Variants in TTLL5 observed in about 807,000 individuals in gnomAD.
The protein encoded by TTLL5 is tubulin polyglutamylase TTLL5.
In TTLL5, 132 loss-of-function variants were observed where a neutral mutation model predicts 168.4. The observed-to-expected ratio is 0.78, with a 90% CI of 0.68 to 0.91. TTLL5 has a LOEUF of 0.91. Ranked by LOEUF, TTLL5 falls within the 40% of genes least tolerant of loss-of-function variation. The probability of loss-of-function intolerance (pLI) is 0.00; values close to 1 mark genes in which losing one functional copy is unlikely to be tolerated. For synonymous variants in TTLL5, 546 were observed against 558.6 expected (o/e 0.98, Z 0.32); for missense variants, 1,545 against 1,581.5 (o/e 0.98, Z 0.39).
intron 18 of TTLL5, among the ~76,000 whole-genome samples, chr14:75,762,982 A>G (rs1890744496): frequency 6.6e-6 from 1 of 152,174 alleles, no homozygotes. Flanking sequence ...GATCTCAAAC[A>G]TTAGATTGTC....
intron 24 of TTLL5, among the ~76,000 whole-genome samples, chr14:75,781,871 G>A (rs541333442): frequency 1.3e-5 from 2 of 150,560 alleles, no homozygotes; most frequent in Non-Finnish European, 2.9e-5. Flanking sequence ...CAGGAGAATC[G>A]CTTGAACTGG....
At chr14:75,857,599 G>A (rs567121086) in intron 28 of TTLL5, among the ~76,000 whole-genome samples, 1 of 150,598 alleles carries the variant, frequency 6.6e-6, no homozygotes, top group East Asian at 1.9e-4. Flanking sequence ...TTTTGGAAGA[G>A]TTTGTGAAAG....
At chr14:75,951,489 G>C (rs2034959529) in intron 31 of TTLL5, among the ~76,000 whole-genome samples, 1 of 152,176 alleles carries the variant, frequency 6.6e-6, no homozygotes, top group Admixed American at 6.5e-5. Context: ...GCAGGGCGCA[G>C]TGGCTAACAC....
At chr14:75,798,902 A>G (rs1317357486) in intron 27 of TTLL5, among the ~76,000 whole-genome samples, 1 of 152,134 alleles carries the variant, frequency 6.6e-6, no homozygotes, top group African/African-American at 2.4e-5. Context: ...TATCTTGGAG[A>G]ATATTTCATG....
At chr14:75,822,683 C>T (rs969776574) in intron 28 of TTLL5, among the ~76,000 whole-genome samples, 4 of 152,196 alleles carry the variant, frequency 2.6e-5, no homozygotes, top group Non-Finnish European at 4.4e-5. Flanking sequence ...TGCTATTGTT[C>T]CCAATTTTAT....
intron 28 of TTLL5, among the ~76,000 whole-genome samples, chr14:75,821,867 T>G (rs1894852849): frequency 6.6e-6 from 1 of 152,196 alleles, no homozygotes; most frequent in Admixed American, 6.5e-5. Flanking sequence ...TCTTTTCCTT[T>G]TCTTTTTACC....
intron 3 of TTLL5, among the ~76,000 whole-genome samples, chr14:75,672,613 G>C (rs1883834514): frequency 6.6e-6 from 1 of 152,142 alleles, no homozygotes. Flanking sequence ...GTTTTCTTCT[G>C]ATGCCTTTGT....
At chr14:75,765,255 A>G (rs1286726862) in intron 19 of TTLL5, among the ~76,000 whole-genome samples, 1 of 152,102 alleles carries the variant, frequency 6.6e-6, no homozygotes, top group African/African-American at 2.4e-5. Context: ...CCTCCTGTGA[A>G]CGTCTGTGTC....
At chr14:75,741,970 C>T (rs1224061743) in intron 15 of TTLL5, among the ~76,000 whole-genome samples, 1 of 152,110 alleles carries the variant, frequency 6.6e-6, no homozygotes, top group African/African-American at 2.4e-5. Context: ...ATCTCAATTT[C>T]TAGAAGCCAG....
intron 29 of TTLL5, among the ~76,000 whole-genome samples, chr14:75,871,397 AT>A (rs2031021602): frequency 6.6e-6 from 1 of 152,004 alleles, no homozygotes; most frequent in African/African-American, 2.4e-5. Flanking sequence ...TGGAGATAAT[AT>A]TTTTACCAGG....
At chr14:75,832,696 G>A (rs1197442264) in intron 28 of TTLL5, among the ~76,000 whole-genome samples, 1 of 152,182 alleles carries the variant, frequency 6.6e-6, no homozygotes, top group African/African-American at 2.4e-5. Flanking sequence ...AAATAGTAAT[G>A]TTTGTTTCTG....
At position 75,925,657 on chromosome 14, in the gene TTLL5, G is replaced by A. The variant is rs533578837; in HGVS notation, c.3823+23433G>A. On this transcript the variant is annotated intron_variant, in intron 31 of 31. Transcript: ENST00000298832. ...CACTTCCCAGACGGGCTGGGGGCCC[G>A]GCAGAGGCTGCAATCTCGGCACTTT... Among the ~76,000 whole-genome samples, 237 of 152,164 alleles carry A rather than the reference G, an allele frequency of 1.6e-3. 2 individuals are homozygous for A. The highest frequency in any genetic ancestry group is 2.5e-3 in the Non-Finnish European group (173 of 68,028).
Position 75,902,237 on chromosome 14 carries a change from C to G in TTLL5, c.3823+13C>G. ...ACCAGCTCTACAGGTTAGTGGGCACCAGCTCTTCTGCAACTGGATAGATGA... is the reference window on the plus strand; with the variant it reads ...ACCAGCTCTACAGGTTAGTGGGCACGAGCTCTTCTGCAACTGGATAGATGA... On this transcript the variant is annotated intron_variant, in intron 31 of 31. Coordinates refer to ENST00000298832, the MANE Select transcript of TTLL5 (RefSeq NM_015072.5). 1 of 1,613,848 alleles carries G rather than the reference C, an allele frequency of 6.2e-7. No homozygotes were observed. Among genetic ancestry groups the G allele is most frequent in the Non-Finnish European group, 8.5e-7 (1 of 1,179,822 alleles).
intron 15 of TTLL5, among the ~76,000 whole-genome samples, chr14:75,738,460 T>C (rs1159574947): frequency 6.6e-6 from 1 of 152,198 alleles, no homozygotes; most frequent in African/African-American, 2.4e-5. Context: ...ATAAAGTGAT[T>C]TATATGGTTT....
intron 30 of TTLL5, among the ~76,000 whole-genome samples, chr14:75,885,748 G>A (rs1313333302): frequency 6.6e-6 from 1 of 152,156 alleles, no homozygotes; most frequent in Admixed American, 6.5e-5. Flanking sequence ...AGCATAGCAA[G>A]TTACTCAACA....
intron 10 of TTLL5, 35 bp from the exon 11 acceptor site, chr14:75,719,700 T>A: frequency 6.4e-7 from 1 of 1,564,294 alleles, no homozygotes; most frequent in Non-Finnish European, 8.7e-7. Flanking sequence ...CAAGCCTAGT[T>A]ACATATGTGA....
At chr14:75,810,047 T>C (rs1272317609) in intron 27 of TTLL5, among the ~76,000 whole-genome samples, 1 of 152,188 alleles carries the variant, frequency 6.6e-6, no homozygotes, top group Non-Finnish European at 1.5e-5. Context: ...TTGAGGAACC[T>C]GTATACTGTT....
At chr14:75,827,681 TAATC>T (rs1015163789) in intron 28 of TTLL5, among the ~76,000 whole-genome samples, 2 of 141,540 alleles carry the variant, frequency 1.4e-5, no homozygotes, top group African/African-American at 5.1e-5. Flanking sequence ...TCAGAGCCAA[TAATC>T]AATACCACAT....
intron 29 of TTLL5, among the ~76,000 whole-genome samples, chr14:75,873,573 G>A (rs2139992640): frequency 6.6e-6 from 1 of 152,248 alleles, no homozygotes; most frequent in Non-Finnish European, 1.5e-5. Flanking sequence ...TGTAGCGTAT[G>A]ACAGGATTCC....
Sources: allele counts gnomAD v4.1 joint callset (sites outside exome capture counted in the v4.1 genomes callset), GRCh38; gene constraint gnomAD v4.1.1; transcripts MANE v1.5; gene names NCBI Gene and HGNC (gene_info 2026-07-23, HGNC 2026-07-21).